RPL24: variants seen among roughly 807,000 people sequenced by gnomAD.
RPL24 encodes ribosomal protein L24, also known as large ribosomal subunit protein eL24.
Under a neutral mutation model 26.4 loss-of-function variants are expected in RPL24, and 7 were observed. The ratio of observed to expected loss-of-function variants is 0.27; its 90% CI spans 0.15 to 0.50. The LOEUF (loss-of-function observed/expected upper bound fraction) is 0.50. Among genes scored for constraint, RPL24 ranks in the 20% least tolerant of loss-of-function variants. The pLI, the probability that RPL24 is intolerant of heterozygous loss-of-function variation, is 0.98. For missense variants in RPL24, 109 were observed against 194.9 expected, an observed-to-expected ratio of 0.56 and a Z score of 2.62; for synonymous variants, 67 against 65.2, an observed-to-expected ratio of 1.03 and a Z score of -0.13.
Position 101,684,956 on chromosome 3 carries a change from C to T in RPL24, c.192+862G>A, listed in dbSNP as rs780915857. Among the ~76,000 whole-genome samples the T allele has an allele frequency of 7.9e-5, 12 of 151,434 alleles. No homozygotes were observed. In the South Asian group the frequency reaches 1.9e-3, roughly 24 times the overall value. On this transcript the variant is annotated intron_variant, in intron 3 of 5. Coordinates refer to ENST00000394077, the MANE Select transcript of RPL24 (RefSeq NM_000986.4). ...GCCTCCGGAGGAGCTAGAGTACAGC[C>T]GCTGCCACCAAGCCCGGATTTGCTA...
At chr3:101,684,762 A>C (rs1937309813) in intron 3 of RPL24, among the ~76,000 whole-genome samples, 2 of 116,210 alleles carry the variant, frequency 1.7e-5, no homozygotes, top group Admixed American at 2.4e-4. Flanking sequence ...TGAGCAACAG[A>C]GGACCTGTCT....
At chr3:101,684,972 G>A (rs1185463924) in intron 3 of RPL24, among the ~76,000 whole-genome samples, 7 of 151,332 alleles carry the variant, frequency 4.6e-5, no homozygotes, top group African/African-American at 7.3e-5. Context: ...CACCAAGCCC[G>A]GATTTGCTAT....
At chr3:101,682,373 AAAAAG>A in intron 5 of RPL24, 51 bp downstream of exon 5, 1 of 1,472,124 alleles carries the variant, frequency 6.8e-7, no homozygotes, top group South Asian at 1.1e-5. Context: ...TCCGTCTCAA[AAAAAG>A]AAAATTTTCC....
intron 3 of RPL24, among the ~76,000 whole-genome samples, chr3:101,684,829 T>C (rs1343611204): frequency 7.7e-6 from 1 of 129,432 alleles, no homozygotes; most frequent in Non-Finnish European, 1.7e-5. Context: ...AGTGGCCTTA[T>C]GTACATTCAT....
intron 5 of RPL24, chr3:101,681,721 G>T (rs982709919): frequency 5.8e-5 from 9 of 155,604 alleles, no homozygotes; most frequent in Middle Eastern, 3.3e-3. Flanking sequence ...CTTGCCTGTA[G>T]TCCCAGCTAC....
intron 1 of RPL24, 44 bp from the exon 2 acceptor site, chr3:101,686,601 C>T: frequency 1.2e-6 from 2 of 1,614,002 alleles, no homozygotes; most frequent in South Asian, 2.2e-5. Flanking sequence ...TGTCTACAGC[C>T]ATGCCAGGGA....
rs1471825204 is a variant in RPL24, at chr3:101,685,869, C to T, written c.141G>A (p.Arg47=). The change falls in exon 3 of 6, where the codon CGG becomes CGA. Residue 47 remains arginine, a synonymous_variant. Coordinates refer to ENST00000394077, the MANE Select transcript of RPL24 (RefSeq NM_000986.4). ...ESAFLSKRNP[R]QINWTVLYRR... ...TGTAGAGGACAGTCCAGTTTATCTG[C>T]CGAGGATTCCTCTTGGAAAGGAAAG... is the stretch of plus-strand genomic sequence containing the variant. The T allele has an allele frequency of 6.2e-7, 1 of 1,613,978 alleles. No homozygotes were observed. Among genetic ancestry groups the T allele is most frequent in the Non-Finnish European group, 8.5e-7 (1 of 1,179,908 alleles).
At chr3:101,686,445 G>C in intron 2 of RPL24, 37 bp downstream of exon 2, 1 of 1,584,118 alleles carries the variant, frequency 6.3e-7, no homozygotes, top group Non-Finnish European at 8.6e-7. Context: ...CCTCCTCGGA[G>C]TACAAGAAGG....
intron 3 of RPL24, 78 bp from the exon 4 acceptor site, chr3:101,682,985 G>T: frequency 7.6e-7 from 1 of 1,307,682 alleles, no homozygotes; most frequent in Non-Finnish European, 1.1e-6. Flanking sequence ...AGTCTTTTAA[G>T]ACAGGGCAAA....
At chr3:101,685,787 A>C (rs775472597) in intron 3 of RPL24, 31 bp downstream of exon 3, 1 of 1,248,362 alleles carries the variant, frequency 8.0e-7, no homozygotes, top group Non-Finnish European at 1.2e-6. Flanking sequence ...CTTAAGAGAT[A>C]GCCCCCAACA....
At chr3:101,686,587 A>C in intron 1 of RPL24, 30 bp from the exon 2 acceptor site, 1 of 1,614,106 alleles carries the variant, frequency 6.2e-7, no homozygotes, top group South Asian at 1.1e-5. Context: ...TCCATCAGGG[A>C]GGGTGTCTAC....
chr3:101,686,087 T>C (rs1937337822), intron 2 of RPL24, 159 bp from the exon 3 acceptor site: 5 of 602,074 alleles, frequency 8.3e-6, no homozygotes, highest in Non-Finnish European at 1.5e-5. Context: ...AACTGGCAGG[T>C]AACTGTGTCA....
chr3:101,682,722 T>G, intron 4 of RPL24, 49 bp downstream of exon 4: 2 of 1,586,896 alleles, frequency 1.3e-6, no homozygotes, highest in African/African-American at 1.3e-5. Context: ...GACCCAAACC[T>G]AAAATCCATC....
intron 3 of RPL24, among the ~76,000 whole-genome samples, chr3:101,684,122 G>C (rs905633867): frequency 3.3e-5 from 5 of 151,708 alleles, no homozygotes; most frequent in Admixed American, 6.6e-5. Context: ...GCCTCCCAAA[G>C]TGCTGGAATT....
rs768161324 is a variant in RPL24, at chr3:101,682,787, G to A, written c.313C>T (p.Arg105Ter). The A allele has an allele frequency of 6.2e-7, 1 of 1,612,934 alleles. No homozygotes were observed. The highest frequency in any genetic ancestry group is 1.7e-5 in the Admixed American group (1 of 59,990). Residue 105 changes from arginine (R) to a stop codon, truncating the protein, a stop_gained, in exon 4 of 6, where the codon CGA becomes TGA. Coordinates refer to ENST00000394077, the MANE Select transcript of RPL24 (RefSeq NM_000986.4). LOFTEE classifies it high-confidence loss of function. ...NQKPEVRKAQREQAIRAAKEA... is the reference protein window; with the variant it reads ...NQKPEVRKAQ Reference sequence around the variant, plus strand: ...ATTCCTCACCTGATAGCTTGTTCTCGTTGAGCCTTTCTAACTTCAGGTTTC... The same window carrying A: ...ATTCCTCACCTGATAGCTTGTTCTCATTGAGCCTTTCTAACTTCAGGTTTC...
intron 2 of RPL24, 166 bp from the exon 3 acceptor site, chr3:101,686,094 G>C: frequency 1.7e-6 from 1 of 598,624 alleles, no homozygotes; most frequent in Non-Finnish European, 3.0e-6. Flanking sequence ...AGGTAACTGT[G>C]TCACACTATG....
chr3:101,682,992 C>T (rs1937281993), intron 3 of RPL24, 85 bp from the exon 4 acceptor site: 14 of 1,188,984 alleles, frequency 1.2e-5, no homozygotes, highest in Non-Finnish European at 1.7e-5. Context: ...TAAGACAGGG[C>T]AAATGAAGTA....
chr3:101,681,151 A>G lies in RPL24; in HGVS notation c.458T>C (p.Val153Ala). 1 of 1,612,272 alleles carries G rather than the reference A, an allele frequency of 6.2e-7. No individual in the cohort carries two copies. Among genetic ancestry groups the G allele is most frequent in the Non-Finnish European group, 8.5e-7 (1 of 1,178,470 alleles). The change falls in exon 6 of 6, where the codon GTT becomes GCT. Residue 153 changes from valine (V) to alanine (A), a missense_variant. Coordinates refer to ENST00000394077, the MANE Select transcript of RPL24 (RefSeq NM_000986.4). ...TCTGCCAGTTTAGCGTTTTCCACCAACTCGGGGAGCTGAAACTTTCACAGG... is the reference window on the plus strand; with the variant it reads ...TCTGCCAGTTTAGCGTTTTCCACCAGCTCGGGGAGCTGAAACTTTCACAGG... ...VKPVKVSAPR[V>A]GGKR
chr3:101,686,319 G>T, intron 2 of RPL24, 163 bp downstream of exon 2: 1 of 617,990 alleles, frequency 1.6e-6, no homozygotes, highest in Non-Finnish European at 2.8e-6. Context: ...ATCAACACTG[G>T]TTCACTTAGA....
Sources: allele counts gnomAD v4.1 joint callset (sites outside exome capture counted in the v4.1 genomes callset), GRCh38; gene constraint gnomAD v4.1.1; transcripts MANE v1.5; gene names NCBI Gene and HGNC (gene_info 2026-07-23, HGNC 2026-07-21).